The following AFF3 variants were observed in gnomAD, a reference collection of about 807,000 sequenced individuals.
AFF3 encodes the protein ALF transcription elongation factor 3, also known as AF4/FMR2 family member 3.
AFF3 carries 32 observed loss-of-function variants against 129.7 expected under a neutral mutation model. The observed-to-expected ratio is 0.25, with a 90% CI of 0.19 to 0.33. The LOEUF (loss-of-function observed/expected upper bound fraction) is 0.33. Ranked by LOEUF, AFF3 falls within the 10% of genes least tolerant of loss-of-function variation. The pLI is 1.00. For missense variants in AFF3, 1,373 were observed against 1,592.0 expected, an observed-to-expected ratio of 0.86 and a Z score of 2.34; for synonymous variants, 644 against 635.4, an observed-to-expected ratio of 1.01 and a Z score of -0.20.
chr2:99,590,427 A>G (rs1384066777), intron 15 of AFF3, among the ~76,000 whole-genome samples: 2 of 152,168 alleles, frequency 1.3e-5, no homozygotes, highest in Non-Finnish European at 2.9e-5. Context: ...TACAGGAAAA[A>G]TTTTAAGATG....
chr2:100,075,392 T>C (rs542998503), intron 4 of AFF3, among the ~76,000 whole-genome samples: 1 of 152,240 alleles, frequency 6.6e-6, no homozygotes, highest in East Asian at 1.9e-4. Flanking sequence ...TTTCTTTATA[T>C]TAAAGCCCTG....
intron 8 of AFF3, among the ~76,000 whole-genome samples, chr2:99,820,239 C>T (rs1687551875): frequency 6.6e-6 from 1 of 152,154 alleles, no homozygotes; most frequent in Non-Finnish European, 1.5e-5. Context: ...ATGGTATGGC[C>T]TATTGCTCAT....
intron 9 of AFF3, among the ~76,000 whole-genome samples, chr2:99,748,599 T>C (rs6751316): frequency 0.91 from 139,067 of 152,222 alleles, 63,689 homozygotes; most frequent in East Asian, 1. Flanking sequence ...GCCTGGCAAA[T>C]TTCATTCTTC....
chr2:99,568,594 TG>T (rs1676194775), intron 19 of AFF3, among the ~76,000 whole-genome samples: 1 of 152,230 alleles, frequency 6.6e-6, no homozygotes, highest in African/African-American at 2.4e-5. Flanking sequence ...CTGCCTCCAC[TG>T]GCTCTAGTTA....
At chr2:99,879,464 CGT>C (rs1302610221) in intron 7 of AFF3, among the ~76,000 whole-genome samples, 1 of 152,156 alleles carries the variant, frequency 6.6e-6, no homozygotes, top group Non-Finnish European at 1.5e-5. Flanking sequence ...AAAACTACAG[CGT>C]GTGTATCAGT....
chr2:99,629,768 T>C (rs1248807115), intron 13 of AFF3, among the ~76,000 whole-genome samples: 1 of 152,180 alleles, frequency 6.6e-6, no homozygotes, highest in Non-Finnish European at 1.5e-5. Flanking sequence ...GCCATCTTCT[T>C]GCTGTGTGCT....
At chr2:99,627,578 T>C (rs913973928) in intron 13 of AFF3, among the ~76,000 whole-genome samples, 2 of 152,230 alleles carry the variant, frequency 1.3e-5, no homozygotes, top group African/African-American at 2.4e-5. Context: ...TTTAGTTTAA[T>C]TGGATCCCAT....
intron 8 of AFF3, among the ~76,000 whole-genome samples, chr2:99,767,197 C>T (rs1416973836): frequency 1.3e-5 from 2 of 152,170 alleles, no homozygotes; most frequent in Non-Finnish European, 2.9e-5. Context: ...CAGACATGGC[C>T]CCTGCTCTCA....
rs1431538900 is a variant in AFF3 at position 99,693,309 on chromosome 2, T to C, written c.1092-20720A>G. ...TTTAAATGTGACTGTACAAGAAAAA[T>C]CTTATTTTTTCTTGTGTACGTTTAA... On this transcript the variant is annotated intron_variant, in intron 11 of 24. Coordinates refer to ENST00000672756, the MANE Select transcript of AFF3 (RefSeq NM_001386135.1). 2.0e-5 allele frequency among the ~76,000 whole-genome samples: 3 copies of C among 152,140 alleles called. No homozygotes were observed. The East Asian group carries it at 5.8e-4, about 29-fold the overall frequency.
chr2:99,572,611 T>C (rs1342387612), intron 18 of AFF3: 2 of 455,796 alleles, frequency 4.4e-6, no homozygotes, highest in South Asian at 3.1e-5. Context: ...GAAGTTGAAA[T>C]CCAAATCAGA....
chr2:99,776,198 T>C (rs1345796381), intron 8 of AFF3, among the ~76,000 whole-genome samples: 1 of 152,184 alleles, frequency 6.6e-6, no homozygotes, highest in Non-Finnish European at 1.5e-5. Flanking sequence ...TATAATTGTG[T>C]CTCTTTGGCT....
intron 12 of AFF3, among the ~76,000 whole-genome samples, chr2:99,672,176 T>TCACACA (rs55867427): frequency 0.019 from 693 of 36,932 alleles, 5 homozygotes; most frequent in East Asian, 0.038. Context: ...CCAGTTAGCT[T>TCACACA]CTCACACACA....
intron 4 of AFF3, among the ~76,000 whole-genome samples, chr2:100,070,779 T>G (rs139823035): frequency 6.6e-6 from 1 of 152,188 alleles, no homozygotes; most frequent in Non-Finnish European, 1.5e-5. Context: ...AAGTGTCAGC[T>G]CATGGTAGAT....
intron 7 of AFF3, among the ~76,000 whole-genome samples, chr2:99,947,029 G>A (rs961844716): frequency 1.3e-5 from 2 of 152,118 alleles, no homozygotes; most frequent in East Asian, 1.9e-4. Flanking sequence ...TGATTCGGTC[G>A]TTCATTAGGT....
intron 18 of AFF3, among the ~76,000 whole-genome samples, chr2:99,575,200 C>T (rs1295760362): frequency 6.6e-6 from 1 of 152,078 alleles, no homozygotes; most frequent in Non-Finnish European, 1.5e-5. Context: ...GACATTCTAG[C>T]CCAGTGATCT....
At chr2:99,694,541 T>C (rs1364275296) in intron 11 of AFF3, among the ~76,000 whole-genome samples, 2 of 152,152 alleles carry the variant, frequency 1.3e-5, no homozygotes, top group African/African-American at 4.8e-5. Context: ...ATTTTTTGCA[T>C]TGCTCTCCGT....
chr2:100,095,552 C>T lies in AFF3; in HGVS notation c.53+8850G>A, dbSNP rs368011666. Among the ~76,000 whole-genome samples, 8 of 152,280 alleles carry T rather than the reference C, an allele frequency of 5.3e-5. No homozygotes were observed. The East Asian group carries it at 7.7e-4, about 15-fold the overall frequency. On this transcript the variant is annotated intron_variant, in intron 4 of 24. Transcript: ENST00000672756. ...CAAGATTTAAATTTGCCCTACTATT[C>T]GTGAAAATTCACCTTTCTTTTCCAA...
intron 13 of AFF3, among the ~76,000 whole-genome samples, chr2:99,640,692 T>C (rs1025390426): frequency 9.2e-5 from 14 of 152,304 alleles, no homozygotes; most frequent in Admixed American, 5.9e-4. Flanking sequence ...TTCTTGGTCT[T>C]ACTGCATTCA....
intron 8 of AFF3, among the ~76,000 whole-genome samples, chr2:99,799,746 T>C (rs1685797581): frequency 6.6e-6 from 1 of 152,138 alleles, no homozygotes; most frequent in African/African-American, 2.4e-5. Flanking sequence ...GACAGTGTGA[T>C]ACCAGTGTAA....
Sources: gnomAD v4.1 joint callset for allele counts (sites outside exome capture counted in the v4.1 genomes callset) on GRCh38, gnomAD v4.1.1 for gene constraint, MANE v1.5 for transcripts, NCBI Gene and HGNC (gene_info 2026-07-23, HGNC 2026-07-21) for gene names.